EP400: variants seen among roughly 807,000 people sequenced by gnomAD.
EP400 encodes the protein E1A-binding protein p400.
A neutral mutation model predicts 354.1 loss-of-function variants in EP400; 105 were observed. That is an observed-to-expected ratio of 0.30 (90% confidence interval 0.25 to 0.35). The LOEUF (loss-of-function observed/expected upper bound fraction) is 0.35. Among genes scored for constraint, EP400 ranks in the 10% least tolerant of loss-of-function variants. The pLI is 1.00. For missense variants in EP400, 3,280 were observed against 4,121.0 expected (o/e 0.80, Z 5.59); for synonymous variants, 1,646 against 1,716.9 (o/e 0.96, Z 1.02).
At chr12:131,996,041 C>G (rs1334557689) in intron 12 of EP400, among the ~76,000 whole-genome samples, 1 of 152,230 alleles carries the variant, frequency 6.6e-6, no homozygotes, top group Non-Finnish European at 1.5e-5. Flanking sequence ...TCTACTCAGC[C>G]TGGATGTCCT....
At chr12:131,951,158 C>T (rs980301967) in intron 1 of EP400, among the ~76,000 whole-genome samples, 3 of 150,110 alleles carry the variant, frequency 2.0e-5, no homozygotes, top group African/African-American at 7.4e-5. Flanking sequence ...CCTCGTGATC[C>T]GCCCCCTTGG....
intron 1 of EP400, among the ~76,000 whole-genome samples, chr12:131,953,612 A>C (rs962770928): frequency 3.3e-5 from 5 of 152,246 alleles, no homozygotes; most frequent in Non-Finnish European, 5.9e-5. Flanking sequence ...ACTTGGTATC[A>C]TTCGGAATTT....
intron 2 of EP400, among the ~76,000 whole-genome samples, chr12:131,966,562 CAAAAA>C (rs534384776): frequency 0.062 from 3,559 of 57,384 alleles, 57 homozygotes; most frequent in Non-Finnish European, 0.078. Context: ...TACCCTACCT[CAAAAA>C]AAAAAAAAAA....
intron 19 of EP400, among the ~76,000 whole-genome samples, chr12:132,014,481 C>G (rs903485858): frequency 1.3e-5 from 2 of 152,186 alleles, no homozygotes; most frequent in Non-Finnish European, 2.9e-5. Flanking sequence ...CCCCTTTGAC[C>G]CTCTCCGAGG....
intron 30 of EP400, among the ~76,000 whole-genome samples, chr12:132,034,554 C>T (rs924749361): frequency 6.6e-5 from 10 of 152,168 alleles, no homozygotes; most frequent in African/African-American, 2.4e-4. Context: ...CTCAGTGTTG[C>T]GGGTGGGAGT....
chr12:132,037,804 T>C lies in EP400; in HGVS notation c.6063+11T>C, dbSNP rs1434260878. The C allele has an allele frequency of 1.2e-6, 2 of 1,613,622 alleles. No individual in the cohort carries two copies. The highest frequency in any genetic ancestry group is 1.7e-6 in the Non-Finnish European group (2 of 1,179,600). On this transcript the variant is annotated intron_variant, in intron 31 of 52. Transcript: ENST00000389561. ...GCTTTCTTAACTCAGGTACTCCTTA[T>C]TCAATGAGAGGCCTGAGGTGAGACC...
At chr12:132,063,058 C>T (rs1895760229) in intron 47 of EP400, among the ~76,000 whole-genome samples, 1 of 152,184 alleles carries the variant, frequency 6.6e-6, no homozygotes, top group African/African-American at 2.4e-5. Context: ...AGATATTCCT[C>T]AGCAGTGTTG....
intron 2 of EP400, among the ~76,000 whole-genome samples, chr12:131,976,591 T>C (rs187924533): frequency 6.6e-6 from 1 of 152,122 alleles, no homozygotes; most frequent in African/African-American, 2.4e-5. Context: ...GCACCTGTAG[T>C]CCCAGCTTCT....
chr12:131,993,839 G>A (rs1464737017), intron 11 of EP400, among the ~76,000 whole-genome samples: 2 of 152,168 alleles, frequency 1.3e-5, no homozygotes, highest in Admixed American at 6.5e-5. Context: ...TTGCATATGC[G>A]GTCCATTGTT....
chr12:132,023,815 A>T lies in EP400; in HGVS notation c.4729A>T (p.Thr1577Ser). ...VVKIAQLASI[T>S]GPQSRVAQPE... ...GAAAATAGCTCAGCTGGCATCCATCACAGGACCACAGAGCCGCGTGGCTCA... is the reference window on the plus strand; with the variant it reads ...GAAAATAGCTCAGCTGGCATCCATCTCAGGACCACAGAGCCGCGTGGCTCA... Residue 1577 changes from threonine to serine, a missense_variant, in exon 24 of 53, where the codon ACA (threonine) becomes TCA (serine). Thr to Ser is a moderately conservative substitution (Grantham distance 58). This residue lies in a region of EP400 where 342 missense variants were observed against 342.7 expected (regional missense o/e 1.00). Coordinates refer to ENST00000389561, the MANE Select transcript of EP400 (RefSeq NM_015409.5). 1 of 1,613,974 alleles carries T rather than the reference A, an allele frequency of 6.2e-7. No individual in the cohort carries two copies. The highest frequency in any genetic ancestry group is 1.1e-5 in the South Asian group (1 of 91,030).
chr12:131,995,015 T>G (rs769227066), intron 12 of EP400, 59 bp downstream of exon 12: 29 of 1,482,160 alleles, frequency 2.0e-5, no homozygotes, highest in Non-Finnish European at 2.7e-5. Context: ...TTAAAACATG[T>G]GAGATGTGAA....
Position 132,020,230 on chromosome 12 carries a change from G to A in EP400, c.4447+12G>A, listed in dbSNP as rs768715653. 14 of 1,591,486 alleles carry A rather than the reference G, an allele frequency of 8.8e-6. No individual in the cohort carries two copies. The highest frequency in any genetic ancestry group is 3.5e-5 in the Admixed American group (2 of 56,712). ...TCCGGAGGCAAAAGGTAGACTTCACGTAGTTGTCTGCTCTCCGCCTTATGG... is the reference window on the plus strand; with the variant it reads ...TCCGGAGGCAAAAGGTAGACTTCACATAGTTGTCTGCTCTCCGCCTTATGG... On this transcript the variant is annotated intron_variant, in intron 22 of 52. Transcript: ENST00000389561.
intron 2 of EP400, among the ~76,000 whole-genome samples, chr12:131,973,114 ATAAT>A (rs1803437968): frequency 6.6e-6 from 1 of 152,364 alleles, no homozygotes; most frequent in African/African-American, 2.4e-5. Flanking sequence ...CATTTAACAA[ATAAT>A]TATTTTATTG....
At position 132,038,048 on chromosome 12, in the gene EP400, T is replaced by G. The variant is rs1356557300; in HGVS notation, c.6159T>G (p.Pro2053=). 1.2e-6 allele frequency: 2 copies of G among 1,614,216 alleles called. No individual in the cohort carries two copies. The highest frequency in any genetic ancestry group is 8.5e-7 in the Non-Finnish European group (1 of 1,180,042). The change falls in exon 32 of 53, where the codon CCT becomes CCG. Residue 2053 remains proline, a synonymous_variant. Coordinates refer to ENST00000389561, the MANE Select transcript of EP400 (RefSeq NM_015409.5). The surrounding 1 kb of genome is among the most constrained non-coding windows in gnomAD (Gnocchi z 4.2). ...AEEFVVLSQE[P]SVTETIAPKI... is the part of the protein sequence containing the mutation. ...AGTTTGTGGTGCTTTCTCAGGAACC[T>G]TCTGTCACGGAAACCATTGCACCCA...
chr12:131,991,362 A>G, intron 9 of EP400, 45 bp from the exon 10 acceptor site: 1 of 1,607,638 alleles, frequency 6.2e-7, no homozygotes, highest in South Asian at 1.1e-5. Context: ...GCCCTCGCCA[A>G]GCATGGGGGG....
chr12:132,067,078 T>G lies in EP400; in HGVS notation c.8749+109T>G. The G allele has an allele frequency of 7.4e-7, 1 of 1,347,252 alleles. No individual in the cohort carries two copies. The highest frequency in any genetic ancestry group is 9.8e-7 in the Non-Finnish European group (1 of 1,019,726). The allele number at this position is 1,347,252 out of a possible 1,614,324, so 83.5% of individuals were successfully genotyped here. On this transcript the variant is annotated intron_variant, in intron 49 of 52. Coordinates refer to ENST00000389561, the MANE Select transcript of EP400 (RefSeq NM_015409.5). The surrounding 1 kb of genome is among the most constrained non-coding windows in gnomAD (Gnocchi z 5.3). Reference sequence around the variant, plus strand: ...GTGTTCTTTCCTCACACCCACCCACTTGAGCGTGCCATCACGTGTTCTAGC... The same window carrying G: ...GTGTTCTTTCCTCACACCCACCCACGTGAGCGTGCCATCACGTGTTCTAGC...
chr12:132,006,166 A>G lies in EP400; in HGVS notation c.2990A>G (p.Asp997Gly). The G allele has an allele frequency of 6.2e-7, 1 of 1,614,070 alleles. No individual in the cohort carries two copies. The highest frequency in any genetic ancestry group is 8.5e-7 in the Non-Finnish European group (1 of 1,180,022). ...RESRKDLVLIDSLFIMDQFKA... is the reference protein window; with the variant it reads ...RESRKDLVLIGSLFIMDQFKA... ...AGTCGCAAGGACTTGGTTCTCATCG[A>G]CTCGCTTTTCATCATGGATCAGTTC... Residue 997 changes from aspartate (D) to glycine (G), a missense_variant, in exon 14 of 53, where the codon GAC (aspartate) becomes GGC (glycine). Transcript: ENST00000389561.
intron 50 of EP400, chr12:132,068,601 G>A (rs886417695): frequency 1.3e-5 from 2 of 152,394 alleles, no homozygotes; most frequent in Non-Finnish European, 2.9e-5. Flanking sequence ...GAGGGAGAGG[G>A]AGTGAGCACT....
intron 2 of EP400, among the ~76,000 whole-genome samples, chr12:131,966,010 C>T (rs1456086538): frequency 4.0e-5 from 6 of 149,422 alleles, no homozygotes; most frequent in Non-Finnish European, 7.4e-5. Context: ...TGAAAGTATT[C>T]TGGTTTGGGT....
Sources: gnomAD v4.1 joint callset for allele counts (sites outside exome capture counted in the v4.1 genomes callset) on GRCh38, gnomAD v4.1.1 for gene constraint, gnomAD v4.1.1 regional missense constraint, Gnocchi (gnomAD v3.1) non-coding constraint, MANE v1.5 for transcripts, NCBI Gene and HGNC (gene_info 2026-07-23, HGNC 2026-07-21) for gene names.